PRDM16: variants seen among roughly 807,000 people sequenced by gnomAD.
PRDM16 encodes histone-lysine N-methyltransferase PRDM16.
PRDM16 carries 23 observed loss-of-function variants against 110.6 expected under a neutral mutation model. That is an observed-to-expected ratio of 0.21 (90% CI 0.15 to 0.29). The LOEUF is 0.29. Ranked by LOEUF, PRDM16 falls within the 10% of genes least tolerant of loss-of-function variation. The probability of loss-of-function intolerance (pLI) is 1.00; values close to 1 mark genes in which losing one functional copy is unlikely to be tolerated. For missense variants in PRDM16, 1,615 were observed against 1,794.3 expected, an observed-to-expected ratio of 0.90 and a Z score of 1.81; for synonymous variants, 799 against 781.8, an observed-to-expected ratio of 1.02 and a Z score of -0.37.
At chr1:3,373,974 C>G (rs1642951133) in intron 3 of PRDM16, among the ~76,000 whole-genome samples, 2 of 152,256 alleles carry the variant, frequency 1.3e-5, no homozygotes, top group African/African-American at 4.8e-5. Context: ...ATTTGGAGCT[C>G]TGGGTGGAGC....
chr1:3,088,199 C>T (rs529454421), intron 1 of PRDM16, among the ~76,000 whole-genome samples: 68 of 152,228 alleles, frequency 4.5e-4, no homozygotes, highest in African/African-American at 1.6e-3. Context: ...ATCTCCTCAC[C>T]GAGGACGTAG....
At chr1:3,410,759 G>A (rs923152074) in intron 8 of PRDM16, among the ~76,000 whole-genome samples, 4 of 152,166 alleles carry the variant, frequency 2.6e-5, no homozygotes, top group East Asian at 1.9e-4. Flanking sequence ...AAGTGAAGAC[G>A]AAGGCAGGGC....
chr1:3,101,898 C>G (rs1033795990), intron 1 of PRDM16, among the ~76,000 whole-genome samples: 3 of 152,228 alleles, frequency 2.0e-5, no homozygotes, highest in Non-Finnish European at 4.4e-5. Flanking sequence ...GGAGCTAGTG[C>G]TAGAGTCCTG....
At chr1:3,098,950 T>C (rs1642470244) in intron 1 of PRDM16, among the ~76,000 whole-genome samples, 1 of 152,138 alleles carries the variant, frequency 6.6e-6, no homozygotes, top group South Asian at 2.1e-4. Flanking sequence ...GCCCGTTGAG[T>C]GGCTGAGCGG....
intron 1 of PRDM16, among the ~76,000 whole-genome samples, chr1:3,103,167 G>A (rs1044216867): frequency 2.0e-5 from 3 of 152,196 alleles, no homozygotes; most frequent in Non-Finnish European, 4.4e-5. Flanking sequence ...GAGCTGGGGC[G>A]GCTGTAACCA....
Position 3,244,559 on chromosome 1 carries a change from C to T in PRDM16, c.438+422C>T, listed in dbSNP as rs539565781. On this transcript the variant is annotated intron_variant, in intron 3 of 16. Transcript: ENST00000270722. The surrounding 1 kb of genome is among the most constrained non-coding windows in gnomAD (Gnocchi z 4.1). ...GATTCAACAAAGCCTTTGCTGCACT[C>T]GTAGCTTCCAAAGAAGCATCGTTTT... Among the ~76,000 whole-genome samples the T allele has an allele frequency of 3.3e-5, 5 of 152,294 alleles. No individual in the cohort carries two copies. In the East Asian group the frequency reaches 5.8e-4, roughly 18 times the overall value.
chr1:3,089,734 C>G (rs977608383), intron 1 of PRDM16, among the ~76,000 whole-genome samples: 5 of 152,208 alleles, frequency 3.3e-5, no homozygotes, highest in African/African-American at 9.7e-5. Context: ...TCCTCCGGGC[C>G]GAGCCTGATC....
chr1:3,333,141 A>G (rs1027382396), intron 3 of PRDM16, among the ~76,000 whole-genome samples: 2 of 152,154 alleles, frequency 1.3e-5, no homozygotes, highest in African/African-American at 4.8e-5. Context: ...TCCTCAGCTT[A>G]CAGTGGCAGA....
intron 3 of PRDM16, among the ~76,000 whole-genome samples, chr1:3,363,802 AGAAGGAGGAGGAAG>A (rs1642760595): frequency 6.6e-6 from 1 of 152,142 alleles, no homozygotes; most frequent in East Asian, 1.9e-4. Context: ...TCAAAGAAGG[AGAAGGAGGAGGAAG>A]GAAGGAGGAG....
At chr1:3,399,673 C>T (rs887265484) in intron 5 of PRDM16, among the ~76,000 whole-genome samples, 6 of 152,198 alleles carry the variant, frequency 3.9e-5, no homozygotes, top group African/African-American at 1.4e-4. Context: ...AGACTGCATT[C>T]TCATTTGCAA....
intron 3 of PRDM16, among the ~76,000 whole-genome samples, chr1:3,297,432 A>T (rs1340344450): frequency 3.3e-5 from 5 of 151,994 alleles, no homozygotes; most frequent in Non-Finnish European, 7.4e-5. Flanking sequence ...CTCAGGTGCC[A>T]GCCACCACAC....
chr1:3,281,460 A>T (rs1435307228), intron 3 of PRDM16, among the ~76,000 whole-genome samples: 1 of 152,254 alleles, frequency 6.6e-6, no homozygotes, highest in African/African-American at 2.4e-5. Flanking sequence ...TGAGAGAAGC[A>T]GCCTTGAAAC....
At chr1:3,408,786 G>A in intron 8 of PRDM16, among the ~76,000 whole-genome samples, 1 of 138,830 alleles carries the variant, frequency 7.2e-6, no homozygotes, top group Non-Finnish European at 1.5e-5. Context: ...GTGGGCGCGT[G>A]AGCCGGTGCG....
intron 1 of PRDM16, among the ~76,000 whole-genome samples, chr1:3,154,368 G>C (rs1227880283): frequency 6.6e-6 from 1 of 152,220 alleles, no homozygotes; most frequent in East Asian, 1.9e-4. Context: ...GGAGCTGCCT[G>C]TCGCTGTGGC....
Position 3,080,649 on chromosome 1 carries a change from C to G in PRDM16, c.37+11353C>G, listed in dbSNP as rs998384760. 3.3e-5 allele frequency among the ~76,000 whole-genome samples: 5 copies of G among 152,136 alleles called. No individual in the cohort carries two copies. The highest frequency in any genetic ancestry group is 6.6e-5 in the Admixed American group (1 of 15,266). On this transcript the variant is annotated intron_variant, in intron 1 of 16. Transcript: ENST00000270722. The surrounding 1 kb of genome is among the most constrained non-coding windows in gnomAD (Gnocchi z 5.2). ...ATTTTGCAAAAACGGGAGGCCCGGG[C>G]CCCTAAGCTTGCAGCCTGAGAAAAA...
intron 1 of PRDM16, among the ~76,000 whole-genome samples, chr1:3,120,321 C>T (rs1052220713): frequency 4.6e-5 from 7 of 152,146 alleles, no homozygotes; most frequent in Non-Finnish European, 1.0e-4. Flanking sequence ...ATTCCAGGGA[C>T]GTGTCTGGTA....
In PRDM16 at chr1:3,282,107, G is replaced by A. The variant is rs539965533; in HGVS notation, c.438+37970G>A. ...GGACGCCAGCTCTCTCCTTACCACC[G>A]AAGCAGCTTTGGGCTTGCACATGAA... is the stretch of plus-strand genomic sequence containing the variant. On this transcript the variant is annotated intron_variant, in intron 3 of 16. Coordinates refer to ENST00000270722, the MANE Select transcript of PRDM16 (RefSeq NM_022114.4). Among the ~76,000 whole-genome samples the A allele has an allele frequency of 2.7e-4, 41 of 152,340 alleles. No homozygotes were observed. In the East Asian group the frequency reaches 6.4e-3, roughly 24 times the overall value.
intron 2 of PRDM16, among the ~76,000 whole-genome samples, chr1:3,198,572 T>C (rs1420848887): frequency 6.6e-6 from 1 of 152,160 alleles, no homozygotes; most frequent in South Asian, 2.1e-4. Flanking sequence ...CCACCGTGCT[T>C]TCCAGGGAGC....
intron 1 of PRDM16, among the ~76,000 whole-genome samples, chr1:3,100,925 G>A (rs1032798096): frequency 6.6e-6 from 1 of 152,122 alleles, no homozygotes; most frequent in African/African-American, 2.4e-5. Context: ...GGTGACGGGT[G>A]GCACTTGGTC....
Sources: gnomAD v4.1 joint callset for allele counts (sites outside exome capture counted in the v4.1 genomes callset) on GRCh38, gnomAD v4.1.1 for gene constraint, Gnocchi (gnomAD v3.1) non-coding constraint, MANE v1.5 for transcripts, NCBI Gene and HGNC (gene_info 2026-07-23, HGNC 2026-07-21) for gene names.